The following XKR6 variants were observed in gnomAD, a reference collection of about 807,000 sequenced individuals.
The protein encoded by XKR6 is XK-related protein 6.
In XKR6, 22 loss-of-function variants were observed where a neutral mutation model predicts 56.7. The observed-to-expected ratio is 0.39, with a 90% CI of 0.28 to 0.55. The LOEUF (loss-of-function observed/expected upper bound fraction) is 0.55, where lower values mean the gene tolerates loss of function less well. Among genes scored for constraint, XKR6 ranks in the 20% least tolerant of loss-of-function variants. The probability of loss-of-function intolerance (pLI) is 0.66; values close to 1 mark genes in which losing one functional copy is unlikely to be tolerated. For missense variants in XKR6, 852 were observed against 889.0 expected, an observed-to-expected ratio of 0.96 and a Z score of 0.53; for synonymous variants, 524 against 387.8, an observed-to-expected ratio of 1.35 and a Z score of -4.13.
chr8:11,108,848 G>A (rs1480922378), intron 1 of XKR6: 4 of 154,862 alleles, frequency 2.6e-5, no homozygotes, highest in African/African-American at 7.2e-5. Flanking sequence ...GAAACCACAC[G>A]AATACGTATG....
chr8:11,147,586 G>A (rs1801049289), intron 1 of XKR6, among the ~76,000 whole-genome samples: 1 of 151,564 alleles, frequency 6.6e-6, no homozygotes. Flanking sequence ...AACCTGGGAG[G>A]CGGAGGTTGC....
chr8:10,942,052 A>G (rs1801399947), intron 1 of XKR6, among the ~76,000 whole-genome samples: 1 of 152,096 alleles, frequency 6.6e-6, no homozygotes. Context: ...CCTCTGAGGG[A>G]TTTTTACTCA....
chr8:11,110,744 C>T (rs1798855871), intron 1 of XKR6, among the ~76,000 whole-genome samples: 1 of 152,182 alleles, frequency 6.6e-6, no homozygotes, highest in Non-Finnish European at 1.5e-5. Context: ...TACAAATTCT[C>T]ATTCATTCCA....
chr8:11,014,863 C>G (rs1238996905), intron 1 of XKR6, among the ~76,000 whole-genome samples: 1 of 152,152 alleles, frequency 6.6e-6, no homozygotes, highest in African/African-American at 2.4e-5. Context: ...AAACATGAAT[C>G]CAAGACAAGA....
intron 1 of XKR6, among the ~76,000 whole-genome samples, chr8:11,158,289 CTT>C (rs1322008237): frequency 1.3e-5 from 2 of 152,108 alleles, no homozygotes; most frequent in Admixed American, 6.6e-5. Flanking sequence ...AAAAGTAACA[CTT>C]AGAATAGGGC....
At chr8:11,191,560 T>C (rs1165056032) in intron 1 of XKR6, among the ~76,000 whole-genome samples, 1 of 152,126 alleles carries the variant, frequency 6.6e-6, no homozygotes, top group Non-Finnish European at 1.5e-5. Context: ...TGTGCCTGAA[T>C]GTAATTCAGC....
intron 1 of XKR6, among the ~76,000 whole-genome samples, chr8:11,031,202 G>A (rs1189405673): frequency 1.3e-5 from 2 of 152,212 alleles, no homozygotes; most frequent in African/African-American, 4.8e-5. Flanking sequence ...AAAATGCTTA[G>A]ATAAAGAGCG....
At chr8:11,085,341 C>A (rs1424983849) in intron 1 of XKR6, among the ~76,000 whole-genome samples, 6 of 152,192 alleles carry the variant, frequency 3.9e-5, no homozygotes, top group African/African-American at 9.7e-5. Context: ...TTGCCACATG[C>A]CATGGGGTGC....
At position 11,200,666 on chromosome 8, in the gene XKR6, G is replaced by A. The variant is rs768684995; in HGVS notation, c.674C>T (p.Ser225Phe). Residue 225 changes from serine to phenylalanine, a missense_variant, in exon 1 of 3, where the codon TCC (serine) becomes TTC (phenylalanine). This residue lies in a region of XKR6 where 417 missense variants were observed against 355.2 expected (regional missense o/e 1.17). Coordinates refer to ENST00000416569, the MANE Select transcript of XKR6 (RefSeq NM_173683.4). This position sits in a 1 kb window ranked among gnomAD's most constrained non-coding sequence, Gnocchi z 6.4. ...CAGGCGCTGCGCCCCCGGCGTGGGG[G>A]AGACCCTCACGCCTGGGCCACCGCG... The part of the protein sequence containing the change: ...AARGGPGVRV[S>F]PTPGAQRLCR... The A allele has an allele frequency of 2.5e-5, 39 of 1,561,730 alleles. No individual in the cohort carries two copies. In the Middle Eastern group the frequency reaches 5.1e-4, roughly 20 times the overall value.
intron 1 of XKR6, among the ~76,000 whole-genome samples, chr8:11,091,394 C>T (rs922551549): frequency 6.6e-6 from 1 of 151,872 alleles, no homozygotes; most frequent in Non-Finnish European, 1.5e-5. Context: ...GCCAAGATTG[C>T]ACCCTGCACT....
At position 11,201,288 on chromosome 8, in the gene XKR6, G is replaced by A; in HGVS notation, c.52C>T (p.His18Tyr). 4 of 1,581,118 alleles carry A rather than the reference G, an allele frequency of 2.5e-6. No homozygotes were observed. Among genetic ancestry groups the A allele is most frequent in the Non-Finnish European group, 3.4e-6 (4 of 1,173,250 alleles). ...GGVGVGFAQL[H>Y]NLDEAVGSGG... Reference sequence around the variant, plus strand: ...CTGCCCACCGCCTCGTCCAGGTTGTGCAGCTGAGCGAAGCCCACCCCCACG... The same window carrying A: ...CTGCCCACCGCCTCGTCCAGGTTGTACAGCTGAGCGAAGCCCACCCCCACG... The change falls in exon 1 of 3, where the codon CAC becomes TAC. Residue 18 changes from histidine to tyrosine, a missense_variant. Coordinates refer to ENST00000416569, the MANE Select transcript of XKR6 (RefSeq NM_173683.4).
chr8:11,043,830 A>G (rs1170342358), intron 1 of XKR6, among the ~76,000 whole-genome samples: 1 of 152,262 alleles, frequency 6.6e-6, no homozygotes, highest in African/African-American at 2.4e-5. Context: ...ATGCCAAAGC[A>G]GAGATCATAA....
At chr8:10,916,739 G>A (rs1405719977) in intron 2 of XKR6, among the ~76,000 whole-genome samples, 1 of 152,212 alleles carries the variant, frequency 6.6e-6, no homozygotes, top group Non-Finnish European at 1.5e-5. Flanking sequence ...TGCTTGCCGG[G>A]TTGCAGCCAA....
intron 2 of XKR6, among the ~76,000 whole-genome samples, chr8:10,915,870 C>T (rs1273336942): frequency 2.0e-5 from 3 of 152,186 alleles, no homozygotes; most frequent in East Asian, 1.9e-4. Context: ...GCGTCTCTCT[C>T]CATCTCAGCT....
chr8:11,063,007 C>A (rs552451474), intron 1 of XKR6: 5 of 360,158 alleles, frequency 1.4e-5, no homozygotes, highest in Middle Eastern at 5.2e-4. Flanking sequence ...TTCTTGAATC[C>A]TCACATGGAA....
At chr8:10,965,706 G>A (rs114733492) in intron 1 of XKR6, among the ~76,000 whole-genome samples, 4,814 of 152,296 alleles carry the variant, frequency 0.032, 229 homozygotes, top group African/African-American at 0.11. Flanking sequence ...GGGTGTTACC[G>A]GGGCAACAGA....
intron 1 of XKR6, among the ~76,000 whole-genome samples, chr8:10,932,116 G>C (rs928949622): frequency 4.4e-4 from 67 of 152,244 alleles, no homozygotes; most frequent in African/African-American, 1.6e-3. Context: ...AGTAAATAGG[G>C]AAATGTATAT....
chr8:11,029,014 C>A (rs1177206082), intron 1 of XKR6, among the ~76,000 whole-genome samples: 1 of 152,180 alleles, frequency 6.6e-6, no homozygotes, highest in African/African-American at 2.4e-5. Flanking sequence ...CCTCATGCGC[C>A]TGGAAGTCAC....
At chr8:10,942,123 C>T (rs879227280) in intron 1 of XKR6, among the ~76,000 whole-genome samples, 2 of 152,156 alleles carry the variant, frequency 1.3e-5, no homozygotes, top group Admixed American at 6.5e-5. Flanking sequence ...TACACACAAC[C>T]GCACCCATAC....
Sources: allele counts gnomAD v4.1 joint callset (sites outside exome capture counted in the v4.1 genomes callset), GRCh38; gene constraint gnomAD v4.1.1; regional missense constraint gnomAD v4.1.1; non-coding constraint Gnocchi (gnomAD v3.1); transcripts MANE v1.5; gene names NCBI Gene and HGNC (gene_info 2026-07-23, HGNC 2026-07-21).